FBXL17: variants seen among roughly 807,000 people sequenced by gnomAD.
FBXL17 encodes F-box/LRR-repeat protein 17.
FBXL17 carries 22 observed loss-of-function variants against 66.2 expected under a neutral mutation model. That is an observed-to-expected ratio of 0.33 (90% CI 0.24 to 0.47). The LOEUF (loss-of-function observed/expected upper bound fraction) is 0.47. FBXL17 is among the 20% of genes least tolerant of loss of function. The probability of loss-of-function intolerance (pLI) is 1.00; values close to 1 mark genes in which losing one functional copy is unlikely to be tolerated. For missense variants in FBXL17, 878 were observed against 948.2 expected (o/e 0.93, Z 0.97); for synonymous variants, 474 against 400.5 (o/e 1.18, Z -2.19).
At chr5:107,955,006 T>C (rs1441522333) in intron 7 of FBXL17, among the ~76,000 whole-genome samples, 1 of 152,122 alleles carries the variant, frequency 6.6e-6, no homozygotes, top group Non-Finnish European at 1.5e-5. Flanking sequence ...ATGGAATATG[T>C]AAAGCACTTT....
At chr5:107,994,214 C>T (rs1004467064) in intron 7 of FBXL17, among the ~76,000 whole-genome samples, 9 of 152,120 alleles carry the variant, frequency 5.9e-5, no homozygotes, top group South Asian at 2.1e-4. Context: ...GACATGATAT[C>T]GCAAATATTG....
intron 4 of FBXL17, among the ~76,000 whole-genome samples, chr5:108,228,678 T>G (rs1307694144): frequency 6.6e-6 from 1 of 152,158 alleles, no homozygotes; most frequent in African/African-American, 2.4e-5. Context: ...TAGCCAGGAC[T>G]AAAGGGTTGA....
At chr5:107,983,138 T>C (rs963848277) in intron 7 of FBXL17, among the ~76,000 whole-genome samples, 1 of 152,208 alleles carries the variant, frequency 6.6e-6, no homozygotes, top group Admixed American at 6.5e-5. Flanking sequence ...GCTATTTGCT[T>C]ACCCAGATGG....
At chr5:108,128,063 A>C (rs1750788951) in intron 6 of FBXL17, among the ~76,000 whole-genome samples, 2 of 151,952 alleles carry the variant, frequency 1.3e-5, no homozygotes, top group Admixed American at 1.3e-4. Flanking sequence ...CTGGCCAACA[A>C]GGTGAAACCA....
At chr5:107,964,345 C>T (rs1463925192) in intron 7 of FBXL17, among the ~76,000 whole-genome samples, 2 of 151,858 alleles carry the variant, frequency 1.3e-5, no homozygotes, top group African/African-American at 2.4e-5. Flanking sequence ...ACAATTAGAG[C>T]CATCAATTAT....
rs1299862632 is a variant in FBXL17 at position 108,202,845 on chromosome 5, T to C, written c.1615-16598A>G. 2.6e-5 allele frequency among the ~76,000 whole-genome samples: 4 copies of C among 152,324 alleles called. No individual in the cohort carries two copies. The East Asian group carries it at 7.7e-4, about 29-fold the overall frequency. On this transcript the variant is annotated intron_variant, in intron 5 of 8. Coordinates refer to ENST00000542267, the MANE Select transcript of FBXL17 (RefSeq NM_001163315.3). ...TGAAACAGCAGATGGTGGGATCTAC[T>C]GGATCCCCTTATTCAGTGTATTGCT...
intron 6 of FBXL17, among the ~76,000 whole-genome samples, chr5:108,143,985 A>T (rs528368411): frequency 1.3e-5 from 2 of 152,242 alleles, no homozygotes; most frequent in East Asian, 3.9e-4. Context: ...AATTATAGAG[A>T]GCTATCATAG....
chr5:108,235,961 A>G (rs1755583235), intron 4 of FBXL17, among the ~76,000 whole-genome samples: 1 of 152,248 alleles, frequency 6.6e-6, no homozygotes, highest in Non-Finnish European at 1.5e-5. Flanking sequence ...AGTAGTGGCT[A>G]AGAATTAGAT....
At chr5:107,870,024 A>G (rs1748394484) in intron 8 of FBXL17, among the ~76,000 whole-genome samples, 1 of 152,192 alleles carries the variant, frequency 6.6e-6, no homozygotes, top group Non-Finnish European at 1.5e-5. Flanking sequence ...GAATTACCTG[A>G]AGATCTTTTA....
intron 4 of FBXL17, among the ~76,000 whole-genome samples, chr5:108,224,874 C>T (rs906277094): frequency 6.6e-6 from 1 of 152,102 alleles, no homozygotes; most frequent in African/African-American, 2.4e-5. Flanking sequence ...GTGATCCAGC[C>T]TCCTTGGCCT....
rs551079775 is a variant in FBXL17, at chr5:108,157,585, TA to T, written c.1745+28531del. Among the ~76,000 whole-genome samples, 88 of 144,428 alleles carry T rather than the reference TA, an allele frequency of 6.1e-4. No individual in the cohort carries two copies. The East Asian group carries it at 9.5e-3, about 16-fold the overall frequency. The allele number at this position is 144,428 out of a possible 152,430, so 94.8% of individuals were successfully genotyped here. A position where few individuals can be genotyped will look rare whatever the true frequency, so the allele number is the denominator to read the frequency against. ...AGTGAAATGAACTTTGATTTTTCTTTAAAAAAAAAAAACTAAAACTAAAATC... is the reference window on the plus strand; with the variant it reads ...AGTGAAATGAACTTTGATTTTTCTTTAAAAAAAAAAACTAAAACTAAAATC... On this transcript the variant is annotated intron_variant, in intron 6 of 8. Transcript: ENST00000542267.
intron 4 of FBXL17, among the ~76,000 whole-genome samples, chr5:108,309,966 T>C (rs1759038890): frequency 6.6e-6 from 1 of 152,154 alleles, no homozygotes; most frequent in Non-Finnish European, 1.5e-5. Context: ...TTAAATTATG[T>C]TAGATGGCTA....
chr5:108,300,497 G>T (rs959784246), intron 4 of FBXL17, among the ~76,000 whole-genome samples: 14 of 151,630 alleles, frequency 9.2e-5, no homozygotes, highest in African/African-American at 3.4e-4. Context: ...GTATTGTTTG[G>T]ATAACTGTTT....
At chr5:108,156,429 A>C (rs1038372130) in intron 6 of FBXL17, among the ~76,000 whole-genome samples, 1 of 152,178 alleles carries the variant, frequency 6.6e-6, no homozygotes, top group South Asian at 2.1e-4. Flanking sequence ...CATGTACAGT[A>C]ATATGGGTTG....
chr5:108,197,796 C>T (rs1375978831), intron 5 of FBXL17, among the ~76,000 whole-genome samples: 2 of 152,092 alleles, frequency 1.3e-5, no homozygotes, highest in African/African-American at 4.8e-5. Context: ...GTTGTATCTA[C>T]ACTCTCAAAT....
At chr5:108,131,726 G>A (rs1162961745) in intron 6 of FBXL17, among the ~76,000 whole-genome samples, 1 of 151,934 alleles carries the variant, frequency 6.6e-6, no homozygotes, top group Non-Finnish European at 1.5e-5. Flanking sequence ...AATTATGAAT[G>A]CTAATTATTA....
intron 8 of FBXL17, among the ~76,000 whole-genome samples, chr5:107,874,191 T>G (rs986993554): frequency 1.3e-5 from 2 of 151,960 alleles, no homozygotes; most frequent in Non-Finnish European, 2.9e-5. Flanking sequence ...AAAAAAAAAT[T>G]CTAACATTTT....
intron 6 of FBXL17, among the ~76,000 whole-genome samples, chr5:108,150,948 T>C (rs1751750271): frequency 6.6e-6 from 1 of 152,208 alleles, no homozygotes; most frequent in Admixed American, 6.5e-5. Flanking sequence ...CACGGTCATT[T>C]TATCAAGATG....
intron 6 of FBXL17, among the ~76,000 whole-genome samples, chr5:108,090,499 G>A (rs1468129645): frequency 6.6e-6 from 1 of 152,108 alleles, no homozygotes; most frequent in Non-Finnish European, 1.5e-5. Context: ...AAGCTTGATA[G>A]TAAATAATTT....
Sources: allele counts gnomAD v4.1 joint callset (sites outside exome capture counted in the v4.1 genomes callset), GRCh38; gene constraint gnomAD v4.1.1; transcripts MANE v1.5; gene names NCBI Gene and HGNC (gene_info 2026-07-23, HGNC 2026-07-21).